Variants in GRAMD1C observed in about 807,000 individuals in gnomAD.
GRAMD1C encodes GRAM domain containing 1C.
A neutral mutation model predicts 97.8 loss-of-function variants in GRAMD1C; 89 were observed. That is an observed-to-expected ratio of 0.91 (90% CI 0.77 to 1.09). GRAMD1C has a LOEUF of 1.09. Ranked by LOEUF, GRAMD1C falls within the 50% of genes least tolerant of loss-of-function variation. GRAMD1C has a pLI of 0.00. For synonymous variants in GRAMD1C, 256 were observed against 267.0 expected (o/e 0.96, Z 0.40); for missense variants, 740 against 766.4 (o/e 0.97, Z 0.41).
chr3:113,922,246 AT>A (rs1170002046), intron 10 of GRAMD1C, among the ~76,000 whole-genome samples: 1 of 151,582 alleles, frequency 6.6e-6, no homozygotes, highest in East Asian at 1.9e-4. Flanking sequence ...TAATTTTTAT[AT>A]TTTTTTGTAG....
chr3:113,858,985 A>G (rs1176221325), intron 2 of GRAMD1C, among the ~76,000 whole-genome samples: 2 of 151,980 alleles, frequency 1.3e-5, no homozygotes, highest in Non-Finnish European at 2.9e-5. Flanking sequence ...CTTTTTTGTC[A>G]GTCTTGCTAG....
chr3:113,908,230 TAA>T (rs1481949266), intron 8 of GRAMD1C, among the ~76,000 whole-genome samples: 1 of 152,242 alleles, frequency 6.6e-6, no homozygotes, highest in Non-Finnish European at 1.5e-5. Flanking sequence ...ACTATTCCAC[TAA>T]GTCTGATTAT....
chr3:113,915,610 TA>T, intron 9 of GRAMD1C, 90 bp from the exon 10 acceptor site: 9 of 980,288 alleles, frequency 9.2e-6, no homozygotes, highest in East Asian at 2.5e-5. Context: ...ATGCCCAAAA[TA>T]AAAAAAGAAA....
chr3:113,863,453 C>T (rs1289471248), intron 2 of GRAMD1C, among the ~76,000 whole-genome samples: 2 of 151,992 alleles, frequency 1.3e-5, no homozygotes, highest in East Asian at 1.9e-4. Context: ...AGATTAGTGT[C>T]GTTTGGACCT....
chr3:113,837,600 T>C (rs78504349), upstream of GRAMD1C, among the ~76,000 whole-genome samples: 421 of 152,298 alleles, frequency 2.8e-3, 3 homozygotes, highest in Non-Finnish European at 4.6e-3. Flanking sequence ...GAAAGCGTTA[T>C]TATTGACTGG....
intron 6 of GRAMD1C, among the ~76,000 whole-genome samples, chr3:113,884,899 C>G (rs1329716207): frequency 1.4e-5 from 2 of 141,096 alleles, no homozygotes; most frequent in Non-Finnish European, 3.1e-5. Flanking sequence ...CGCTTTCCCC[C>G]CCTTCCCCTC....
At chr3:113,932,676 T>C (rs910617411) in intron 11 of GRAMD1C, among the ~76,000 whole-genome samples, 4 of 152,150 alleles carry the variant, frequency 2.6e-5, no homozygotes, top group African/African-American at 9.7e-5. Flanking sequence ...GTGAAATAAA[T>C]GACACAGGGG....
chr3:113,921,282 G>A (rs1937044120), intron 10 of GRAMD1C, among the ~76,000 whole-genome samples: 1 of 152,152 alleles, frequency 6.6e-6, no homozygotes, highest in Admixed American at 6.6e-5. Flanking sequence ...TGGTGTATAT[G>A]TACCATATTT....
At chr3:113,892,753 A>G (rs1163724198) in intron 6 of GRAMD1C, among the ~76,000 whole-genome samples, 1 of 152,124 alleles carries the variant, frequency 6.6e-6, no homozygotes, top group Admixed American at 6.5e-5. Flanking sequence ...TAATACAAAC[A>G]ATTGATGTTT....
intron 12 of GRAMD1C, 63 bp downstream of exon 12, chr3:113,933,716 C>T: frequency 8.6e-7 from 1 of 1,165,146 alleles, no homozygotes; most frequent in South Asian, 1.4e-5. Context: ...TTTATTCATC[C>T]TGAATTCTTA....
chr3:113,941,032 G>T (rs1045319000), intron 17 of GRAMD1C, among the ~76,000 whole-genome samples: 2 of 152,152 alleles, frequency 1.3e-5, no homozygotes, highest in African/African-American at 4.8e-5. Context: ...TATCATTCTG[G>T]GGTTCCTATT....
chr3:113,850,775 C>T, intron 2 of GRAMD1C: 1 of 911,628 alleles, frequency 1.1e-6, no homozygotes, highest in Non-Finnish European at 1.5e-6. Flanking sequence ...AAAGGATATA[C>T]TTAATTTTTT....
rs1934871704 is a variant in GRAMD1C, at chr3:113,872,721, G to A, written c.260-2763G>A. 2.0e-5 allele frequency among the ~76,000 whole-genome samples: 3 copies of A among 151,216 alleles called. No individual in the cohort carries two copies. The South Asian group carries it at 6.3e-4, about 32-fold the overall frequency. Reference sequence around the variant, plus strand: ...AGAAGCCATTAAAAAAAAATCAATTGTATTGAAGTATAAATTTATTACAAT... The same window carrying A: ...AGAAGCCATTAAAAAAAAATCAATTATATTGAAGTATAAATTTATTACAAT... On this transcript the variant is annotated intron_variant, in intron 3 of 17. Coordinates refer to ENST00000358160, the MANE Select transcript of GRAMD1C (RefSeq NM_017577.5).
rs756247000 is a variant in GRAMD1C at position 113,869,604 on chromosome 3, T to G, written c.259+13T>G. The G allele has an allele frequency of 7.7e-7, 1 of 1,302,682 alleles. No homozygotes were observed. The highest frequency in any genetic ancestry group is 1.1e-6 in the Non-Finnish European group (1 of 926,508). 80.7% of individuals were successfully genotyped at this position (1,302,682 alleles called of 1,614,324 possible). On this transcript the variant is annotated intron_variant, in intron 3 of 17. Coordinates refer to ENST00000358160, the MANE Select transcript of GRAMD1C (RefSeq NM_017577.5). ...AGGCTGATAGCAGGTAAAATAGAAATTTTCAAAAAAAAGTTTTATTACCTC... is the reference window on the plus strand; with the variant it reads ...AGGCTGATAGCAGGTAAAATAGAAAGTTTCAAAAAAAAGTTTTATTACCTC...
intron 17 of GRAMD1C, among the ~76,000 whole-genome samples, chr3:113,942,217 AT>A (rs1304568930): frequency 0.044 from 6,173 of 140,676 alleles, 229 homozygotes; most frequent in African/African-American, 0.11. Flanking sequence ...CCCAGCTGCA[AT>A]TTTTTTTTTT....
At position 113,855,202 on chromosome 3, in the gene GRAMD1C, T is replaced by C. The variant is rs559473540; in HGVS notation, c.174+10553T>C. Among the ~76,000 whole-genome samples the C allele has an allele frequency of 9.3e-4, 141 of 152,238 alleles. 1 individual carries two copies. Among genetic ancestry groups the C allele is most frequent in the African/African-American group, 3.3e-3 (137 of 41,550 alleles). ...GGCGCATGCCTGTAATCCCAGCTAA[T>C]TGGGAGGCTGAGGCAGGAGGATTGC... On this transcript the variant is annotated intron_variant, in intron 2 of 17. Coordinates refer to ENST00000358160, the MANE Select transcript of GRAMD1C (RefSeq NM_017577.5).
chr3:113,857,461 C>T (rs1934187756), intron 2 of GRAMD1C, among the ~76,000 whole-genome samples: 1 of 151,522 alleles, frequency 6.6e-6, no homozygotes, highest in Non-Finnish European at 1.5e-5. Flanking sequence ...CTGCAAGCTC[C>T]ACCTCCCGGG....
chr3:113,870,817 GA>G (rs1223196850), intron 3 of GRAMD1C, among the ~76,000 whole-genome samples: 4 of 150,184 alleles, frequency 2.7e-5, no homozygotes, highest in Non-Finnish European at 5.9e-5. Context: ...TGATTTATAA[GA>G]ATTTTTTTTT....
At chr3:113,943,306 T>G (rs1056621750) in intron 17 of GRAMD1C, among the ~76,000 whole-genome samples, 1 of 152,208 alleles carries the variant, frequency 6.6e-6, no homozygotes, top group Non-Finnish European at 1.5e-5. Context: ...TAATCTTGCT[T>G]TCTTTAAAAC....
Sources: gnomAD v4.1 joint callset for allele counts (sites outside exome capture counted in the v4.1 genomes callset) on GRCh38, gnomAD v4.1.1 for gene constraint, MANE v1.5 for transcripts, NCBI Gene and HGNC (gene_info 2026-07-23, HGNC 2026-07-21) for gene names.